The following AMPD3 variants were observed in gnomAD, a reference collection of about 807,000 sequenced individuals.
AMPD3 encodes AMP deaminase 3.
AMPD3 carries 57 observed loss-of-function variants against 82.3 expected under a neutral mutation model. That is an observed-to-expected ratio of 0.69 (90% CI 0.56 to 0.86). The LOEUF is 0.86. AMPD3 is among the 40% of genes least tolerant of loss of function. AMPD3 has a pLI of 0.00. For synonymous variants in AMPD3, 381 were observed against 394.7 expected, an observed-to-expected ratio of 0.97 and a Z score of 0.41; for missense variants, 870 against 1,003.8, an observed-to-expected ratio of 0.87 and a Z score of 1.80.
At position 10,497,743 on chromosome 11, in the gene AMPD3, G is replaced by A. The variant is rs1375279528; in HGVS notation, c.1557+805G>A. On this transcript the variant is annotated intron_variant, in intron 10 of 14. Transcript: ENST00000396553. ...TAGCTGGAGGTGGGGGCAGGGGTGA[G>A]AGTCAGGGGCCTGCCTGGAGACAGG... is the stretch of plus-strand genomic sequence containing the variant. 21 of 985,214 alleles carry A rather than the reference G, an allele frequency of 2.1e-5. 2 individuals carry two copies. In the South Asian group the frequency reaches 7.5e-4, roughly 35 times the overall value. 61.0% of individuals were successfully genotyped at this position (985,214 alleles called of 1,614,324 possible). A position where few individuals can be genotyped will look rare whatever the true frequency, so the allele number is the denominator to read the frequency against.
intron 1 of AMPD3, among the ~76,000 whole-genome samples, chr11:10,457,466 C>T (rs1848131604): frequency 6.6e-6 from 1 of 152,054 alleles, no homozygotes; most frequent in Non-Finnish European, 1.5e-5. Flanking sequence ...GACCACAGGA[C>T]CTGTTTTACC....
intron 2 of AMPD3, among the ~76,000 whole-genome samples, chr11:10,471,759 G>T (rs535410547): frequency 1.3e-5 from 2 of 152,158 alleles, no homozygotes; most frequent in African/African-American, 4.8e-5. Flanking sequence ...ACCATCTCAC[G>T]CCAGTTAGAA....
At chr11:10,464,945 A>T (rs559691766) in intron 2 of AMPD3, among the ~76,000 whole-genome samples, 3 of 152,228 alleles carry the variant, frequency 2.0e-5, no homozygotes, top group African/African-American at 7.2e-5. Flanking sequence ...ATGTGTGGTG[A>T]TTATAAGCCT....
chr11:10,497,723 G>A, intron 10 of AMPD3: 3 of 985,322 alleles, frequency 3.0e-6, no homozygotes, highest in Non-Finnish European at 3.6e-6. Flanking sequence ...GAAGGTAGCT[G>A]GAGGTGGGGG....
At chr11:10,502,645 C>A in intron 12 of AMPD3, 76 bp from the exon 13 acceptor site, 2 of 1,595,810 alleles carry the variant, frequency 1.3e-6, no homozygotes, top group Non-Finnish European at 1.7e-6. Context: ...AATGCTTCTT[C>A]CCTTCCTTTC....
intron 4 of AMPD3, 132 bp downstream of exon 4, chr11:10,482,357 A>C (rs1403339619): frequency 1.9e-6 from 2 of 1,057,968 alleles, no homozygotes; most frequent in African/African-American, 1.6e-5. Flanking sequence ...GGCTTCTCCC[A>C]CACTGATGTT....
At position 10,504,629 on chromosome 11, in the gene AMPD3, C is replaced by G. The variant is rs1849666475; in HGVS notation, c.2097C>G (p.Asn699Lys). The G allele has an allele frequency of 6.2e-7, 1 of 1,614,192 alleles. No homozygotes were observed. Among genetic ancestry groups the G allele is most frequent in the Non-Finnish European group, 8.5e-7 (1 of 1,180,026 alleles). ...GCGACCTGTGTGAGATCGCCAGGAA[C>G]AGCGTGCTGCAGAGCGGCCTCTCGC... ...STCDLCEIAR[N>K]SVLQSGLSHQ... Residue 699 changes from asparagine to lysine, a missense_variant, in exon 14 of 15, where the codon AAC becomes AAG. Physicochemically the swap from Asn to Lys is moderately conservative, Grantham distance 94. Transcript: ENST00000396553.
intron 2 of AMPD3, among the ~76,000 whole-genome samples, chr11:10,471,426 T>A (rs1325286923): frequency 6.6e-6 from 1 of 152,188 alleles, no homozygotes; most frequent in Non-Finnish European, 1.5e-5. Context: ...TCAAAAGCCA[T>A]GGCAACAAAA....
chr11:10,505,272 C>A (rs982646995), intron 14 of AMPD3: 63 of 978,128 alleles, frequency 6.4e-5, no homozygotes, highest in Non-Finnish European at 7.3e-5. Context: ...GGGCTGTGCT[C>A]GTCGGATGAT....
At chr11:10,497,484 A>G in intron 10 of AMPD3, 1 of 770,216 alleles carries the variant, frequency 1.3e-6, no homozygotes, top group Non-Finnish European at 1.6e-6. Context: ...AGCCGGTCCC[A>G]CCCTCCGGAT....
intron 2 of AMPD3, chr11:10,473,260 A>G (rs1472466152): frequency 5.8e-6 from 3 of 517,636 alleles, no homozygotes; most frequent in Admixed American, 6.4e-5. Context: ...GCAGAGCAAG[A>G]CCCTGTGTCA....
chr11:10,497,459 G>A (rs1313323073), intron 10 of AMPD3: 1 of 431,196 alleles, frequency 2.3e-6, no homozygotes, highest in Admixed American at 6.4e-5. Context: ...CAGGGAGGGA[G>A]GCGGAGGGGG....
intron 2 of AMPD3, among the ~76,000 whole-genome samples, chr11:10,472,940 G>C (rs61891382): frequency 0.15 from 23,515 of 152,076 alleles, 2,122 homozygotes; most frequent in Non-Finnish European, 0.2. Flanking sequence ...AGAGTCAAAG[G>C]TTTCAGAAAG....
At chr11:10,451,138 C>T (rs1308710818), upstream of AMPD3, 50 of 1,511,692 alleles carry the variant, frequency 3.3e-5, no homozygotes, top group Non-Finnish European at 4.2e-5. Flanking sequence ...GTCTGAACCG[C>T]GGCTTCCGCC....
chr11:10,472,828 A>G (rs1848633546), intron 2 of AMPD3, among the ~76,000 whole-genome samples: 1 of 151,996 alleles, frequency 6.6e-6, no homozygotes, highest in Non-Finnish European at 1.5e-5. Flanking sequence ...ACATGTAGAA[A>G]CCCTGTCTTT....
intron 10 of AMPD3, chr11:10,497,590 TGG>T: frequency 1.0e-6 from 1 of 985,340 alleles, no homozygotes; most frequent in Non-Finnish European, 1.2e-6. Flanking sequence ...GCCCGAGGGC[TGG>T]GGCACGGGGA....
chr11:10,461,804 G>A (rs1228061462), intron 2 of AMPD3, 64 bp downstream of exon 2: 4 of 1,500,494 alleles, frequency 2.7e-6, no homozygotes, highest in East Asian at 2.5e-5. Context: ...GGCTGTGGGT[G>A]TGTGTCCTGA....
chr11:10,505,286 G>C (rs1264369166), intron 14 of AMPD3: 1 of 985,292 alleles, frequency 1.0e-6, no homozygotes, highest in Non-Finnish European at 1.2e-6. Flanking sequence ...GGATGATGAT[G>C]CAGCAGAGTT....
chr11:10,478,404 A>C, intron 2 of AMPD3, 122 bp from the exon 3 acceptor site: 1 of 1,576,152 alleles, frequency 6.3e-7, no homozygotes, highest in Non-Finnish European at 8.7e-7. Context: ...TCTTAATGGT[A>C]GGGCCAGCAC....
Sources: allele counts gnomAD v4.1 joint callset (sites outside exome capture counted in the v4.1 genomes callset), GRCh38; gene constraint gnomAD v4.1.1; transcripts MANE v1.5; gene names NCBI Gene and HGNC (gene_info 2026-07-23, HGNC 2026-07-21).